The following PLEKHG1 variants were observed in gnomAD, a reference collection of about 807,000 sequenced individuals.
PLEKHG1 encodes pleckstrin homology domain-containing family G member 1.
PLEKHG1 carries 44 observed loss-of-function variants against 100.8 expected under a neutral mutation model. That is an observed-to-expected ratio of 0.44 (90% CI 0.34 to 0.56). PLEKHG1 has a LOEUF of 0.56. Ranked by LOEUF, PLEKHG1 falls within the 20% of genes least tolerant of loss-of-function variation. The pLI is 0.01. For missense variants in PLEKHG1, 1,545 were observed against 1,720.9 expected (o/e 0.90, Z 1.81); for synonymous variants, 640 against 662.5 (o/e 0.97, Z 0.52).
chr6:150,747,828 G>A (rs1047130229), intron 2 of PLEKHG1, among the ~76,000 whole-genome samples: 5 of 151,948 alleles, frequency 3.3e-5, no homozygotes, highest in Admixed American at 1.3e-4. Flanking sequence ...CTCAGGAGGT[G>A]GGGGTTGCAG....
chr6:150,744,964 G>A (rs910014190), intron 2 of PLEKHG1, among the ~76,000 whole-genome samples: 1 of 152,190 alleles, frequency 6.6e-6, no homozygotes, highest in African/African-American at 2.4e-5. Flanking sequence ...ACCCAAGAAG[G>A]AGAGTATAGA....
At chr6:150,801,017 G>A (rs1786669000) in intron 6 of PLEKHG1, 148 bp downstream of exon 7, 1 of 667,494 alleles carries the variant, frequency 1.5e-6, no homozygotes. Context: ...CTGCTTTGAG[G>A]ATTTGGAGAT....
chr6:150,804,592 C>T lies in PLEKHG1; in HGVS notation c.781-18C>T, dbSNP rs529455496. 1.6e-5 allele frequency: 24 copies of T among 1,540,636 alleles called. 1 individual carries two copies. The highest frequency in any genetic ancestry group is 8.5e-5 in the African/African-American group (6 of 70,418). ...ATAAAATGAAAAAAAAAAAAACCCTCGTTCTTTTTTGTTTAAGGAAATAGA... is the reference window on the plus strand; with the variant it reads ...ATAAAATGAAAAAAAAAAAAACCCTTGTTCTTTTTTGTTTAAGGAAATAGA... On this transcript the variant is annotated intron_variant, in intron 6 of 15. Coordinates refer to ENST00000358517, the Ensembl canonical transcript of PLEKHG1.
intron 1 of PLEKHG1, among the ~76,000 whole-genome samples, chr6:150,614,107 A>G (rs1776961842): frequency 6.6e-6 from 1 of 152,192 alleles, no homozygotes; most frequent in African/African-American, 2.4e-5. Flanking sequence ...AATATTATAA[A>G]TGCTGATTGT....
chr6:150,688,699 T>C (rs4869930), intron 3 of PLEKHG1, among the ~76,000 whole-genome samples: 44,936 of 152,104 alleles, frequency 0.3, 8,220 homozygotes, highest in African/African-American at 0.52. Flanking sequence ...TCTGTAACAA[T>C]ATTCAGAGCT....
chr6:150,773,507 C>A (rs1784806086), intron 3 of PLEKHG1, among the ~76,000 whole-genome samples: 1 of 152,150 alleles, frequency 6.6e-6, no homozygotes, highest in South Asian at 2.1e-4. Flanking sequence ...GCACTTCAGC[C>A]TCGGCGACAA....
intron 1 of PLEKHG1, among the ~76,000 whole-genome samples, chr6:150,604,994 C>G (rs1254135364): frequency 6.6e-6 from 1 of 152,188 alleles, no homozygotes; most frequent in African/African-American, 2.4e-5. Flanking sequence ...GTGGGCCGCA[C>G]TCTCTCTCAC....
At chr6:150,760,635 CTTTTT>C (rs34394040) in intron 2 of PLEKHG1, among the ~76,000 whole-genome samples, 2 of 115,824 alleles carry the variant, frequency 1.7e-5, no homozygotes, top group African/African-American at 6.4e-5. Context: ...AAATGCTTTG[CTTTTT>C]TTTTTTTTTT....
intron 3 of PLEKHG1, among the ~76,000 whole-genome samples, chr6:150,705,511 C>A (rs112523303): frequency 6.6e-6 from 1 of 152,224 alleles, no homozygotes; most frequent in South Asian, 2.1e-4. Flanking sequence ...ACGCACAGGG[C>A]CCCCTGAGCC....
At chr6:150,666,962 G>A (rs183493311) in intron 3 of PLEKHG1, among the ~76,000 whole-genome samples, 196 of 152,150 alleles carry the variant, frequency 1.3e-3, no homozygotes, top group African/African-American at 4.1e-3. Context: ...GTTTCACCGC[G>A]TTAGCCAGGA....
rs1776309455 is a variant in PLEKHG1, at chr6:150,600,651, G to A, written c.-204+634G>A. ...GTGGCTCTTCCGTCACGGGGTAAAC[G>A]GTAACACCTGGGCGGCCGCGACTCT... On this transcript the variant is annotated intron_variant, in intron 1 of 3. Transcript: ENST00000367326. This position sits in a 1 kb window ranked among gnomAD's most constrained non-coding sequence, Gnocchi z 6.2. Among the ~76,000 whole-genome samples the A allele has an allele frequency of 6.6e-6, 1 of 152,192 alleles. No homozygotes were observed. Among genetic ancestry groups the A allele is most frequent in the African/African-American group, 2.4e-5 (1 of 41,454 alleles).
intron 3 of PLEKHG1, among the ~76,000 whole-genome samples, chr6:150,664,655 T>C (rs907382640): frequency 6.6e-6 from 1 of 152,162 alleles, no homozygotes; most frequent in Non-Finnish European, 1.5e-5. Context: ...TGTGAAGGGC[T>C]GTGGTGGTGT....
rs138603890 is a variant in PLEKHG1 at position 150,819,735 on chromosome 6, A to G, written c.1369A>G (p.Lys457Glu). The change falls in exon 12 of 16, where the codon AAA (lysine) becomes GAA (glutamate). Residue 457 changes from lysine to glutamate, a missense_variant. Physicochemically the swap from Lys to Glu is moderately conservative, Grantham distance 56. Coordinates refer to ENST00000358517, the Ensembl canonical transcript of PLEKHG1. ...AGGGACGAAAGCACTGTTCGGCTCT[A>G]AAGAAGGTTCTGCTCCATATCGGCT... is the stretch of plus-strand genomic sequence containing the variant. 44 of 1,612,154 alleles carry G rather than the reference A, an allele frequency of 2.7e-5. No homozygotes were observed. The highest frequency in any genetic ancestry group is 3.6e-5 in the Non-Finnish European group (43 of 1,178,218).
At position 150,683,829 on chromosome 6, in the gene PLEKHG1, C is replaced by A; in HGVS notation, c.-99+33043C>A. 7.8e-7 allele frequency: 1 copy of A among 1,287,546 alleles called. No homozygotes were observed. Among genetic ancestry groups the A allele is most frequent in the Non-Finnish European group, 1.0e-6 (1 of 987,816 alleles). The allele number at this position is 1,287,546 out of a possible 1,614,324, so 79.8% of individuals were successfully genotyped here. Reference sequence around the variant, plus strand: ...TGCCTGGACAAATCGTGTTCTGGGCCAAAGCATCACAGGCGAGTGAAATAT... The same window carrying A: ...TGCCTGGACAAATCGTGTTCTGGGCAAAAGCATCACAGGCGAGTGAAATAT... On this transcript the variant is annotated intron_variant, in intron 3 of 3. Coordinates refer to the PLEKHG1 transcript ENST00000367326. The surrounding 1 kb of genome is among the most constrained non-coding windows in gnomAD (Gnocchi z 4.0).
At chr6:150,637,174 A>G (rs2128565566) in intron 1 of PLEKHG1, among the ~76,000 whole-genome samples, 1 of 152,300 alleles carries the variant, frequency 6.6e-6, no homozygotes, top group African/African-American at 2.4e-5. Flanking sequence ...TTTGTCTCTG[A>G]GTGGCTTCTG....
intron 3 of PLEKHG1, among the ~76,000 whole-genome samples, chr6:150,705,450 G>C (rs766211216): frequency 6.6e-6 from 1 of 152,230 alleles, no homozygotes; most frequent in Non-Finnish European, 1.5e-5. Context: ...GGAAAGCGGC[G>C]GGGACCGCCT....
chr6:150,798,096 A>G (rs753792768), intron 5 of PLEKHG1, among the ~76,000 whole-genome samples: 7 of 152,108 alleles, frequency 4.6e-5, no homozygotes, highest in Non-Finnish European at 7.3e-5. Context: ...ATTTGTTTCC[A>G]TCTTAATGCT....
At chr6:150,680,512 G>C (rs561489635) in intron 3 of PLEKHG1, among the ~76,000 whole-genome samples, 18 of 152,262 alleles carry the variant, frequency 1.2e-4, no homozygotes, top group African/African-American at 3.4e-4. Flanking sequence ...CAGAAGTTTG[G>C]GCTGAAAATA....
intron 3 of PLEKHG1, among the ~76,000 whole-genome samples, chr6:150,682,621 A>G (rs6908127): frequency 0.19 from 29,255 of 151,944 alleles, 2,870 homozygotes; most frequent in South Asian, 0.26. Flanking sequence ...GTGTGCAGCC[A>G]TCCTAATACC....
Sources: gnomAD v4.1 joint callset for allele counts (sites outside exome capture counted in the v4.1 genomes callset) on GRCh38, gnomAD v4.1.1 for gene constraint, Gnocchi (gnomAD v3.1) non-coding constraint, MANE v1.5 for transcripts, NCBI Gene and HGNC (gene_info 2026-07-23, HGNC 2026-07-21) for gene names.